Variants in RAB3IP observed in about 807,000 individuals in gnomAD.
The protein encoded by RAB3IP is RAB3A interacting protein, also known as rab-3A-interacting protein.
A neutral mutation model predicts 59.1 loss-of-function variants in RAB3IP; 36 were observed. That is an observed-to-expected ratio of 0.61 (90% CI 0.47 to 0.80). The LOEUF (loss-of-function observed/expected upper bound fraction) is 0.80. Among genes scored for constraint, RAB3IP ranks in the 30% least tolerant of loss-of-function variants. RAB3IP has a pLI of 0.00. For synonymous variants in RAB3IP, 207 were observed against 191.2 expected (o/e 1.08, Z -0.68); for missense variants, 511 against 536.0 (o/e 0.95, Z 0.46).
At chr12:69,797,985 C>T (rs919077043) in intron 6 of RAB3IP, among the ~76,000 whole-genome samples, 109 of 152,214 alleles carry the variant, frequency 7.2e-4, no homozygotes, top group African/African-American at 2.1e-3. Context: ...AATAAACATA[C>T]GTGTGCGTGT....
intron 3 of RAB3IP, among the ~76,000 whole-genome samples, chr12:69,759,312 A>T (rs1394008431): frequency 1.3e-5 from 2 of 151,822 alleles, no homozygotes; most frequent in African/African-American, 4.8e-5. Context: ...GTAAGGTCAT[A>T]GATCAACAGC....
chr12:69,786,589 A>T (rs115866686), intron 4 of RAB3IP, among the ~76,000 whole-genome samples: 1,879 of 152,220 alleles, frequency 0.012, 42 homozygotes, highest in African/African-American at 0.04. Flanking sequence ...TTGTAGTGAT[A>T]TGGATATTAG....
At chr12:69,803,927 T>C (rs958138091) in intron 8 of RAB3IP, among the ~76,000 whole-genome samples, 8 of 152,230 alleles carry the variant, frequency 5.3e-5, no homozygotes, top group African/African-American at 1.9e-4. Context: ...GTTCCAAGTC[T>C]TTGCTATTGC....
intron 4 of RAB3IP, among the ~76,000 whole-genome samples, chr12:69,788,064 A>G (rs1482956136): frequency 1.3e-5 from 2 of 152,128 alleles, no homozygotes; most frequent in African/African-American, 4.8e-5. Flanking sequence ...TGAATATGTT[A>G]CTTTATTTTA....
At chr12:69,783,826 C>G (rs971064037) in intron 3 of RAB3IP, among the ~76,000 whole-genome samples, 1 of 152,106 alleles carries the variant, frequency 6.6e-6, no homozygotes, top group African/African-American at 2.4e-5. Context: ...GCAGTTTATC[C>G]ACATTCTCTT....
At chr12:69,807,273 G>GAT (rs1879513824) in intron 8 of RAB3IP, among the ~76,000 whole-genome samples, 1 of 145,720 alleles carries the variant, frequency 6.9e-6, no homozygotes, top group Non-Finnish European at 1.5e-5. Flanking sequence ...CCTCCCAGAC[G>GAT]GGGCAGCCGG....
intron 3 of RAB3IP, among the ~76,000 whole-genome samples, chr12:69,760,375 A>G (rs1871118973): frequency 6.6e-6 from 1 of 152,124 alleles, no homozygotes; most frequent in Admixed American, 6.5e-5. Context: ...CCGTGGAAAG[A>G]GAGGGCGAGG....
At chr12:69,760,471 G>A (rs1315199840) in intron 3 of RAB3IP, among the ~76,000 whole-genome samples, 4 of 152,196 alleles carry the variant, frequency 2.6e-5, no homozygotes, top group Admixed American at 6.5e-5. Flanking sequence ...CTCAGGATCC[G>A]TTTGGGGACT....
chr12:69,811,219 C>T (rs953662233), intron 8 of RAB3IP, among the ~76,000 whole-genome samples: 4 of 152,226 alleles, frequency 2.6e-5, no homozygotes, highest in Non-Finnish European at 5.9e-5. Flanking sequence ...ACAACACACA[C>T]TGCCGCTTGT....
chr12:69,764,752 C>T (rs1871922524), intron 3 of RAB3IP, among the ~76,000 whole-genome samples: 1 of 151,926 alleles, frequency 6.6e-6, no homozygotes, highest in African/African-American at 2.4e-5. Context: ...GCCATTTTAA[C>T]AATGTTGATT....
chr12:69,796,969 T>G (rs1402789969), intron 6 of RAB3IP, among the ~76,000 whole-genome samples: 1 of 152,210 alleles, frequency 6.6e-6, no homozygotes, highest in Non-Finnish European at 1.5e-5. Context: ...ATAATAACCT[T>G]TGCTCTTCAG....
chr12:69,751,253 G>T (rs368627858), intron 1 of RAB3IP, among the ~76,000 whole-genome samples: 31 of 152,100 alleles, frequency 2.0e-4, no homozygotes, highest in Non-Finnish European at 3.4e-4. Context: ...TTTTTGGTTA[G>T]TGGGAGTCCG....
intron 3 of RAB3IP, among the ~76,000 whole-genome samples, chr12:69,763,706 C>G (rs952933388): frequency 2.6e-5 from 4 of 151,930 alleles, no homozygotes; most frequent in South Asian, 4.2e-4. Context: ...ATGAATAATC[C>G]TGTCACCCTG....
intron 3 of RAB3IP, among the ~76,000 whole-genome samples, chr12:69,766,817 T>C (rs559667297): frequency 4.3e-4 from 66 of 152,290 alleles, no homozygotes; most frequent in Non-Finnish European, 8.5e-4. Context: ...TGAGCCACCA[T>C]GCCCGGTGCA....
At chr12:69,759,018 G>A (rs1870733942) in intron 3 of RAB3IP, among the ~76,000 whole-genome samples, 2 of 150,670 alleles carry the variant, frequency 1.3e-5, no homozygotes, top group African/African-American at 4.9e-5. Context: ...GATCATTCTT[G>A]GGTGTTTCTC....
At chr12:69,744,952 CTTGTT>C (rs990244764) in intron 1 of RAB3IP, among the ~76,000 whole-genome samples, 7 of 152,020 alleles carry the variant, frequency 4.6e-5, no homozygotes, top group African/African-American at 1.7e-4. Context: ...TATATATATA[CTTGTT>C]TTGTTTTTTC....
intron 8 of RAB3IP, among the ~76,000 whole-genome samples, chr12:69,803,233 G>C (rs1169087484): frequency 6.6e-6 from 1 of 152,104 alleles, no homozygotes; most frequent in Non-Finnish European, 1.5e-5. Flanking sequence ...AGTTTACAAA[G>C]TTTAAGGATA....
intron 4 of RAB3IP, among the ~76,000 whole-genome samples, chr12:69,785,934 G>A (rs897520525): frequency 6.6e-6 from 1 of 152,050 alleles, no homozygotes; most frequent in African/African-American, 2.4e-5. Flanking sequence ...GTCTCCTTTG[G>A]GTTAAGACCT....
chr12:69,800,455 G>T, intron 7 of RAB3IP, 118 bp downstream of exon 7: 1 of 670,952 alleles, frequency 1.5e-6, no homozygotes, highest in South Asian at 2.9e-5. Context: ...AAAATGTCAT[G>T]TTTTGCTATT....
Sources: allele counts gnomAD v4.1 joint callset (sites outside exome capture counted in the v4.1 genomes callset), GRCh38; gene constraint gnomAD v4.1.1; transcripts MANE v1.5; gene names NCBI Gene and HGNC (gene_info 2026-07-23, HGNC 2026-07-21).